Variants in NRAP observed in about 807,000 individuals in gnomAD.
NRAP encodes the protein nebulin related anchoring protein.
Under a neutral mutation model 225.9 loss-of-function variants are expected in NRAP, and 189 were observed. That is an observed-to-expected ratio of 0.84 (90% confidence interval 0.74 to 0.94). The LOEUF is 0.94. Among genes scored for constraint, NRAP ranks in the 40% least tolerant of loss-of-function variants. The pLI is 0.00. For synonymous variants in NRAP, 769 were observed against 790.7 expected (o/e 0.97, Z 0.46); for missense variants, 2,176 against 2,168.7 (o/e 1.00, Z -0.07).
In NRAP at chr10:113,598,216, A is replaced by C; in HGVS notation, c.4228-143T>G. 4.5e-6 allele frequency: 3 copies of C among 671,974 alleles called. No individual in the cohort carries two copies. In the South Asian group the frequency reaches 5.0e-5, roughly 11 times the overall value. The allele number at this position is 671,974 out of a possible 1,614,324, so 41.6% of individuals were successfully genotyped here. On this transcript the variant is annotated intron_variant, in intron 35 of 41. Coordinates refer to ENST00000359988, the MANE Select transcript of NRAP (RefSeq NM_198060.4). The stretch of plus-strand genomic sequence containing the variant: ...CATCTTCACTGGGAGTACATTCTGC[A>C]TGTCGTCAAGTCAAACTGTTTGAAT...
intron 32 of NRAP, 128 bp from the exon 33 acceptor site, chr10:113,606,410 C>T (rs1846971865): frequency 1.6e-6 from 1 of 617,532 alleles, no homozygotes; most frequent in South Asian, 2.0e-5. Context: ...GTCATGGATA[C>T]ATCTCCAGTC....
At chr10:113,644,237 T>C (rs954576233) in intron 11 of NRAP, among the ~76,000 whole-genome samples, 5 of 150,988 alleles carry the variant, frequency 3.3e-5, no homozygotes, top group Non-Finnish European at 7.4e-5. Flanking sequence ...GATCCAGTTC[T>C]GTCCCTAAAA....
chr10:113,640,548 T>C (rs1225702177), intron 13 of NRAP, among the ~76,000 whole-genome samples: 1 of 152,244 alleles, frequency 6.6e-6, no homozygotes, highest in Non-Finnish European at 1.5e-5. Context: ...GTAGCACATT[T>C]ACTTTATATT....
intron 14 of NRAP, among the ~76,000 whole-genome samples, chr10:113,636,607 C>T (rs922570821): frequency 2.6e-5 from 4 of 152,154 alleles, no homozygotes; most frequent in Non-Finnish European, 4.4e-5. Flanking sequence ...ACAAATAGGG[C>T]GTACAGAAGC....
At chr10:113,602,014 T>C (rs1057383590) in intron 35 of NRAP, among the ~76,000 whole-genome samples, 2 of 152,180 alleles carry the variant, frequency 1.3e-5, no homozygotes, top group Non-Finnish European at 2.9e-5. Flanking sequence ...GCCTCCCAAG[T>C]AGCTGGGACT....
intron 24 of NRAP, 25 bp from the exon 25 acceptor site, chr10:113,620,733 A>C: frequency 1.3e-6 from 2 of 1,536,416 alleles, no homozygotes; most frequent in Non-Finnish European, 1.8e-6. Context: ...AGAAAAAAAA[A>C]AAAAGCAGGC....
At position 113,650,444 on chromosome 10, in the gene NRAP, T is replaced by C; in HGVS notation, c.777A>G (p.Ala259=). ...CATTGTCAAGGACACTTACATCACTTGCCAGCTCATTGGCTCTTTTGGCTA... is the reference window on the plus strand; with the variant it reads ...CATTGTCAAGGACACTTACATCACTCGCCAGCTCATTGGCTCTTTTGGCTA... The part of the protein sequence containing the change: ...YQIAKRANEL[A]SDVRYHQQYQ... Residue 259 remains alanine (A), a synonymous_variant, in exon 8 of 42, where the codon GCA becomes GCG. Transcript: ENST00000359988. The C allele has an allele frequency of 6.2e-7, 1 of 1,610,202 alleles. No individual in the cohort carries two copies. Among genetic ancestry groups the C allele is most frequent in the Non-Finnish European group, 8.5e-7 (1 of 1,176,372 alleles).
intron 35 of NRAP, among the ~76,000 whole-genome samples, chr10:113,601,223 C>G (rs1846579593): frequency 6.6e-6 from 1 of 152,234 alleles, no homozygotes; most frequent in African/African-American, 2.4e-5. Flanking sequence ...GGGAATGAAC[C>G]ATAGCCACGA....
At chr10:113,632,266 A>G (rs1848621054) in intron 16 of NRAP, among the ~76,000 whole-genome samples, 1 of 152,202 alleles carries the variant, frequency 6.6e-6, no homozygotes, top group African/African-American at 2.4e-5. Flanking sequence ...CCTATTTGCA[A>G]AGAGTGTATC....
intron 14 of NRAP, 100 bp from the exon 15 acceptor site, chr10:113,634,310 C>G: frequency 1.2e-6 from 1 of 809,762 alleles, no homozygotes; most frequent in South Asian, 1.5e-5. Flanking sequence ...TCTCAAATGG[C>G]TACGTAGAAA....
chr10:113,641,529 T>TAAACTAC, intron 12 of NRAP, 57 bp from the exon 13 acceptor site: 1 of 1,013,940 alleles, frequency 9.9e-7, no homozygotes, highest in East Asian at 2.4e-5. Context: ...TAGTTGAAGA[T>TAAACTAC]AAACTACTCA....
intron 14 of NRAP, among the ~76,000 whole-genome samples, chr10:113,635,595 T>A (rs1271301387): frequency 6.6e-6 from 1 of 152,084 alleles, no homozygotes; most frequent in African/African-American, 2.4e-5. Flanking sequence ...GCCTGGCTAA[T>A]TTTTGTATTT....
intron 8 of NRAP, 62 bp from the exon 9 acceptor site, chr10:113,650,203 T>C: frequency 9.7e-7 from 1 of 1,031,978 alleles, no homozygotes; most frequent in South Asian, 1.3e-5. Flanking sequence ...GCCAAAAGAG[T>C]AAAAGTGAAT....
intron 25 of NRAP, among the ~76,000 whole-genome samples, chr10:113,618,407 A>G (rs999664705): frequency 5.9e-5 from 9 of 152,250 alleles, no homozygotes; most frequent in African/African-American, 1.9e-4. Context: ...ATAGCCAGCT[A>G]AATCTAGCTC....
intron 35 of NRAP, among the ~76,000 whole-genome samples, chr10:113,601,742 T>C (rs1846615290): frequency 6.6e-6 from 1 of 152,200 alleles, no homozygotes; most frequent in South Asian, 2.1e-4. Flanking sequence ...TAGCTTAAGG[T>C]AGTGTTTGTT....
In NRAP at chr10:113,590,591, T is replaced by C; in HGVS notation, c.4943A>G (p.Gln1648Arg). The change falls in exon 40 of 42, where the codon CAG becomes CGG. Residue 1648 changes from glutamine to arginine, a missense_variant. This residue lies in a region of NRAP where 445 missense variants were observed against 426.1 expected (regional missense o/e 1.04). Coordinates refer to ENST00000359988, the MANE Select transcript of NRAP (RefSeq NM_198060.4). Reference sequence around the variant, plus strand: ...GAGGTGGCTCACATCACTCTGCAGCTGGTGGGCCTTCTGAGCATGCCTGAG... The same window carrying C: ...GAGGTGGCTCACATCACTCTGCAGCCGGTGGGCCTTCTGAGCATGCCTGAG... Reference protein sequence around the residue: ...LGLRHAQKAHQLQSDVKYKSD... With the variant: ...LGLRHAQKAHRLQSDVKYKSD... The C allele has an allele frequency of 6.2e-7, 1 of 1,611,434 alleles. No individual in the cohort carries two copies. The highest frequency in any genetic ancestry group is 8.5e-7 in the Non-Finnish European group (1 of 1,179,668).
chr10:113,599,376 T>G lies in NRAP; in HGVS notation c.4228-1303A>C, dbSNP rs116772889. ...AAGATTGCTTTTTATACCACGATCT[T>G]TCAGTCTACACCGGCAAAGCTTTTG... On this transcript the variant is annotated intron_variant, in intron 35 of 41. Transcript: ENST00000359988. Among the ~76,000 whole-genome samples the G allele has an allele frequency of 4.0e-3, 606 of 152,234 alleles. 5 individuals carry two copies. The highest frequency in any genetic ancestry group is 0.013 in the African/African-American group (553 of 41,528).
chr10:113,614,965 CA>C lies in NRAP; in HGVS notation c.3079-20del. 7.0e-7 allele frequency: 1 copy of C among 1,422,932 alleles called. No individual in the cohort carries two copies. Among genetic ancestry groups the C allele is most frequent in the Non-Finnish European group, 1.0e-6 (1 of 1,004,644 alleles). The allele number at this position is 1,422,932 out of a possible 1,614,324, so 88.1% of individuals were successfully genotyped here. The stretch of plus-strand genomic sequence containing the variant: ...AACGCGTCTGTCGGGAAGATGTGCA[CA>C]AGGAAAGACCTTTAAGTGACCTGGT... On this transcript the variant is annotated intron_variant, in intron 27 of 41. Coordinates refer to ENST00000359988, the MANE Select transcript of NRAP (RefSeq NM_198060.4).
intron 22 of NRAP, 35 bp from the exon 23 acceptor site, chr10:113,623,671 T>G: frequency 1.4e-6 from 2 of 1,415,480 alleles, no homozygotes; most frequent in Non-Finnish European, 2.0e-6. Context: ...GAGTGGGTTT[T>G]CATGTGAGAG....
Sources: gnomAD v4.1 joint callset for allele counts (sites outside exome capture counted in the v4.1 genomes callset) on GRCh38, gnomAD v4.1.1 for gene constraint, gnomAD v4.1.1 regional missense constraint, MANE v1.5 for transcripts, NCBI Gene and HGNC (gene_info 2026-07-23, HGNC 2026-07-21) for gene names.